The following SYT14 variants were observed in gnomAD, a reference collection of about 807,000 sequenced individuals.
The protein encoded by SYT14 is synaptotagmin 14.
A neutral mutation model predicts 74.2 loss-of-function variants in SYT14; 32 were observed. The observed-to-expected ratio is 0.43, with a 90% CI of 0.33 to 0.58. SYT14 has a LOEUF of 0.58. Ranked by LOEUF, SYT14 falls within the 20% of genes least tolerant of loss-of-function variation. The pLI is 0.05. For missense variants in SYT14, 791 were observed against 981.8 expected (o/e 0.81, Z 2.60); for synonymous variants, 298 against 337.7 (o/e 0.88, Z 1.29).
intron 2 of SYT14, among the ~76,000 whole-genome samples, chr1:210,008,838 G>C (rs1411881806): frequency 6.6e-6 from 1 of 152,134 alleles, no homozygotes; most frequent in Non-Finnish European, 1.5e-5. Context: ...AAAGATTTTA[G>C]GGGAAATTCT....
intron 6 of SYT14, among the ~76,000 whole-genome samples, chr1:210,095,208 G>C (rs1443100505): frequency 6.6e-6 from 1 of 152,164 alleles, no homozygotes; most frequent in Non-Finnish European, 1.5e-5. Context: ...TAATGTTTCT[G>C]TCATAATGAA....
At position 210,094,499 on chromosome 1, in the gene SYT14, G is replaced by A. The variant is rs2081934136; in HGVS notation, c.1490G>A (p.Ser497Asn). The change falls in exon 6 of 10, where the codon AGT (serine) becomes AAT (asparagine). Residue 497 changes from serine to asparagine, a missense_variant. Transcript: ENST00000637265. ...AGATGCTCATATAACAAGTGCCCAAGTGAAGGAAGCACAGGTCATGAAATA... is the reference window on the plus strand; with the variant it reads ...AGATGCTCATATAACAAGTGCCCAAATGAAGGAAGCACAGGTCATGAAATA... 1.2e-6 allele frequency: 2 copies of A among 1,613,824 alleles called. No homozygotes were observed. The highest frequency in any genetic ancestry group is 1.7e-6 in the Non-Finnish European group (2 of 1,179,946).
chr1:210,108,522 T>A (rs953479522), intron 7 of SYT14, among the ~76,000 whole-genome samples: 17 of 151,580 alleles, frequency 1.1e-4, no homozygotes, highest in Admixed American at 9.2e-4. Context: ...GCTATAACAA[T>A]AGGAAGAAAG....
chr1:209,979,815 T>C (rs12133531), intron 2 of SYT14, among the ~76,000 whole-genome samples: 2 of 152,242 alleles, frequency 1.3e-5, no homozygotes, highest in Non-Finnish European at 2.9e-5. Context: ...TGGTATTCCG[T>C]GGTGTATATG....
At chr1:210,132,363 C>T (rs1043776524) in intron 7 of SYT14, among the ~76,000 whole-genome samples, 2 of 152,012 alleles carry the variant, frequency 1.3e-5, no homozygotes, top group Admixed American at 6.6e-5. Context: ...TGTGAGGACA[C>T]CCTCCTCACC....
At chr1:210,026,086 ATCT>A (rs1344924340) in intron 5 of SYT14, among the ~76,000 whole-genome samples, 2 of 152,006 alleles carry the variant, frequency 1.3e-5, no homozygotes, top group African/African-American at 4.8e-5. Flanking sequence ...GGCCATATTA[ATCT>A]TCTGGGTTTT....
intron 7 of SYT14, among the ~76,000 whole-genome samples, chr1:210,141,550 C>G (rs997021705): frequency 1.3e-5 from 2 of 152,176 alleles, no homozygotes; most frequent in African/African-American, 4.8e-5. Flanking sequence ...CTAGACTAGT[C>G]GCCCCCATAG....
chr1:210,103,407 G>A (rs529798932), intron 7 of SYT14, among the ~76,000 whole-genome samples: 132 of 151,914 alleles, frequency 8.7e-4, no homozygotes, highest in Non-Finnish European at 1.5e-3. Flanking sequence ...AAAATTAGCC[G>A]GGCGTGGTGG....
chr1:210,130,965 TCAAA>T (rs963338141), intron 7 of SYT14, among the ~76,000 whole-genome samples: 3 of 152,336 alleles, frequency 2.0e-5, no homozygotes, highest in African/African-American at 7.2e-5. Context: ...GAAATAATCT[TCAAA>T]CAGTCTGTTT....
At chr1:210,049,878 A>G (rs570839136) in intron 5 of SYT14, among the ~76,000 whole-genome samples, 1 of 152,316 alleles carries the variant, frequency 6.6e-6, no homozygotes, top group Admixed American at 6.5e-5. Context: ...CAGACAGCAC[A>G]GAGACCCTGG....
intron 4 of SYT14, chr1:210,017,164 A>T (rs2102936156): frequency 8.9e-7 from 1 of 1,119,252 alleles, no homozygotes; most frequent in East Asian, 3.2e-5. Flanking sequence ...AATTAGTAAA[A>T]CATCATCCAA....
In SYT14 at chr1:210,113,045, C is replaced by T. The variant is rs188278775; in HGVS notation, c.2034+12584C>T. Among the ~76,000 whole-genome samples, 75 of 151,388 alleles carry T rather than the reference C, an allele frequency of 5.0e-4. 2 individuals are homozygous for T. Among genetic ancestry groups the T allele is most frequent in the Middle Eastern group, 3.4e-3 (1 of 294 alleles). ...AGGGCCTCTAAAAGTATTAAAGCAG[C>T]GGCAGCCGCCGCACGCAGACATGAG... is the stretch of plus-strand genomic sequence containing the variant. On this transcript the variant is annotated intron_variant, in intron 7 of 9. Transcript: ENST00000637265.
chr1:209,983,605 TTG>T (rs372357337), intron 2 of SYT14, among the ~76,000 whole-genome samples: 2 of 151,984 alleles, frequency 1.3e-5, no homozygotes, highest in South Asian at 2.1e-4. Flanking sequence ...CTGATTTTCT[TTG>T]TGTGTGTGTG....
intron 1 of SYT14, among the ~76,000 whole-genome samples, chr1:209,943,742 C>T (rs2078776422): frequency 6.6e-6 from 1 of 151,806 alleles, no homozygotes; most frequent in Non-Finnish European, 1.5e-5. Flanking sequence ...TTCTTTTATT[C>T]TTTTCCTCTG....
chr1:210,092,319 G>A (rs1197021940), intron 5 of SYT14, among the ~76,000 whole-genome samples: 2 of 152,272 alleles, frequency 1.3e-5, no homozygotes, highest in East Asian at 1.9e-4. Context: ...CAAGGTAGCT[G>A]CTGCTACTCC....
At chr1:210,130,838 C>A (rs1173677967) in intron 7 of SYT14, among the ~76,000 whole-genome samples, 3 of 152,148 alleles carry the variant, frequency 2.0e-5, no homozygotes, top group African/African-American at 7.2e-5. Context: ...CTAGAGAATT[C>A]ACGATGAAGT....
intron 7 of SYT14, among the ~76,000 whole-genome samples, chr1:210,139,275 T>TC (rs1187723572): frequency 6.8e-6 from 1 of 147,394 alleles, no homozygotes; most frequent in Admixed American, 6.8e-5. Context: ...CTTTTTTTTT[T>TC]TTTTTTTTTT....
At chr1:210,140,796 T>C (rs1253100328) in intron 7 of SYT14, among the ~76,000 whole-genome samples, 1 of 152,136 alleles carries the variant, frequency 6.6e-6, no homozygotes, top group Non-Finnish European at 1.5e-5. Context: ...TTGTTGAAAA[T>C]GAATTGCCCA....
At chr1:210,030,943 T>TTTTGTTTTGC (rs1307830424) in intron 5 of SYT14, among the ~76,000 whole-genome samples, 31 of 148,876 alleles carry the variant, frequency 2.1e-4, no homozygotes, top group African/African-American at 7.3e-4. Context: ...TTTTGTTTTG[T>TTTTGTTTTGC]TGAGACAGGT....
Sources: allele counts gnomAD v4.1 joint callset (sites outside exome capture counted in the v4.1 genomes callset), GRCh38; gene constraint gnomAD v4.1.1; transcripts MANE v1.5; gene names NCBI Gene and HGNC (gene_info 2026-07-23, HGNC 2026-07-21).